The following WNT7B variants were observed in gnomAD, a reference collection of about 807,000 sequenced individuals.
WNT7B encodes the protein Wnt family member 7B, also known as protein Wnt-7b.
In WNT7B, 19 loss-of-function variants were observed where a neutral mutation model predicts 38.2. The observed-to-expected ratio is 0.50, with a 90% CI of 0.35 to 0.73. The LOEUF (loss-of-function observed/expected upper bound fraction) is 0.73. Among genes scored for constraint, WNT7B ranks in the 30% least tolerant of loss-of-function variants. The pLI, the probability that WNT7B is intolerant of heterozygous loss-of-function variation, is 0.01. For synonymous variants in WNT7B, 243 were observed against 209.3 expected (o/e 1.16, Z -1.39); for missense variants, 423 against 507.9 (o/e 0.83, Z 1.61).
Position 45,976,962 on chromosome 22 carries a change from G to C in WNT7B, c.-208C>G. 2.0e-6 allele frequency: 2 copies of C among 987,994 alleles called. No homozygotes were observed. The highest frequency in any genetic ancestry group is 9.2e-5 in the South Asian group (2 of 21,784). The allele number at this position is 987,994 out of a possible 1,614,324, so 61.2% of individuals were successfully genotyped here. On this transcript the variant is annotated 5_prime_UTR_variant, in exon 1 of 4. Transcript: ENST00000339464. This position sits in a 1 kb window ranked among gnomAD's most constrained non-coding sequence, Gnocchi z 8.5. ...CCGCCGCCACCGCCGCGTGAGCCCG[G>C]GGAATTGACCCAGGCTGGGGGCCGC... is the stretch of plus-strand genomic sequence containing the variant.
intron 3 of WNT7B, among the ~76,000 whole-genome samples, chr22:45,924,539 G>A (rs917780039): frequency 9.9e-5 from 15 of 152,230 alleles, no homozygotes; most frequent in African/African-American, 2.7e-4. Context: ...TGGATGAGTC[G>A]GAGCTCGTTA....
rs28463206 is a variant in WNT7B, at chr22:45,956,548, T to C, written c.72-6402A>G. On this transcript the variant is annotated intron_variant, in intron 1 of 3. Coordinates refer to ENST00000339464, the MANE Select transcript of WNT7B (RefSeq NM_058238.3). Reference sequence around the variant, plus strand: ...GATGGGTCCACGCCCACATCAGCCCTTCCCTGCAACCCAGCAATCTCTCTC... The same window carrying C: ...GATGGGTCCACGCCCACATCAGCCCCTCCCTGCAACCCAGCAATCTCTCTC... Among the ~76,000 whole-genome samples the C allele has an allele frequency of 6.1e-3, 932 of 152,274 alleles. 16 individuals are homozygous for C. The highest frequency in any genetic ancestry group is 0.022 in the African/African-American group (902 of 41,550).
chr22:45,936,169 T>G (rs539316142), intron 2 of WNT7B: 602 of 985,436 alleles, frequency 6.1e-4, no homozygotes, highest in Non-Finnish European at 6.8e-4. Context: ...CTGTTTCCAG[T>G]GCAGGCTATC....
rs28372435 is a variant in WNT7B, at chr22:45,927,261, C to T, written c.570+3837G>A. Reference sequence around the variant, plus strand: ...CTCAGGGGCTGCTCTGACAGTTTTCCGCACAGGCACCCTGCGGCAGCCCAT... The same window carrying T: ...CTCAGGGGCTGCTCTGACAGTTTTCTGCACAGGCACCCTGCGGCAGCCCAT... On this transcript the variant is annotated intron_variant, in intron 3 of 3. Coordinates refer to ENST00000339464, the MANE Select transcript of WNT7B (RefSeq NM_058238.3). The T allele has an allele frequency of 1.2e-3, 1,169 of 985,428 alleles. 20 individuals carry two copies. The African/African-American group carries it at 0.017, about 15-fold the overall frequency. 61.0% of individuals were successfully genotyped at this position (985,428 alleles called of 1,614,324 possible).
intron 3 of WNT7B, chr22:45,927,576 T>C: frequency 8.8e-7 from 1 of 1,133,252 alleles, no homozygotes; most frequent in African/African-American, 1.5e-5. Flanking sequence ...AAGTAGGCCC[T>C]AAATCCAATG....
chr22:45,949,000 T>G (rs1392600435), intron 2 of WNT7B, among the ~76,000 whole-genome samples: 2 of 151,900 alleles, frequency 1.3e-5, no homozygotes, highest in East Asian at 3.9e-4. Flanking sequence ...CTGGCTAATT[T>G]TTGTATTTTT....
intron 2 of WNT7B, among the ~76,000 whole-genome samples, chr22:45,932,974 T>C (rs28604905): frequency 0.36 from 54,963 of 152,068 alleles, 10,024 homozygotes; most frequent in Admixed American, 0.41. Context: ...TATGAACAAC[T>C]ACTGAGCACC....
rs934257039 is a variant in WNT7B at position 45,938,057 on chromosome 22, C to T, written c.299-6688G>A. Among the ~76,000 whole-genome samples the T allele has an allele frequency of 1.3e-5, 2 of 151,900 alleles. 1 individual carries two copies. Among genetic ancestry groups the T allele is most frequent in the South Asian group, 4.1e-4 (2 of 4,820 alleles). ...AACTCAATAATAAAATGGTTAACAA[C>T]TCAATTAGAAAGGACAAAGACTAAC... On this transcript the variant is annotated intron_variant, in intron 2 of 3. Transcript: ENST00000339464.
At chr22:45,963,457 T>C (rs1945077147) in intron 1 of WNT7B, among the ~76,000 whole-genome samples, 1 of 152,138 alleles carries the variant, frequency 6.6e-6, no homozygotes, top group African/African-American at 2.4e-5. Flanking sequence ...CCAGGGGCCT[T>C]GACTGAAGTG....
intron 3 of WNT7B, chr22:45,925,895 G>A (rs996418888): frequency 5.0e-5 from 49 of 985,374 alleles, no homozygotes; most frequent in Middle Eastern, 1.0e-3. Context: ...CGTGGTCTAG[G>A]CCCAAGCTGC....
At chr22:45,972,116 G>GGGGGGGGGGGGGCCCCCCCCC in intron 1 of WNT7B, 1 of 530,744 alleles carries the variant, frequency 1.9e-6, no homozygotes, top group Non-Finnish European at 3.3e-6. Flanking sequence ...CCCGGGGGGA[G>GGGGGGGGGGGGGCCCCCCCCC]CCCACCCGCC....
chr22:45,942,854 G>GCT (rs901257716), intron 2 of WNT7B, among the ~76,000 whole-genome samples: 4 of 132,926 alleles, frequency 3.0e-5, no homozygotes, highest in Non-Finnish European at 7.1e-5. Context: ...CTGAGTGGGT[G>GCT]CTGTGTGTGT....
In WNT7B at chr22:45,931,807, C is replaced by G. The variant is rs576159590; in HGVS notation, c.299-438G>C. Among the ~76,000 whole-genome samples, 4 of 152,154 alleles carry G rather than the reference C, an allele frequency of 2.6e-5. No individual in the cohort carries two copies. In the East Asian group the frequency reaches 7.7e-4, roughly 29 times the overall value. Reference sequence around the variant, plus strand: ...TCTGCCAGCCTCCCAGGAGCCCCTCCTCATGAACGGGCATTTGCACTGACC... The same window carrying G: ...TCTGCCAGCCTCCCAGGAGCCCCTCGTCATGAACGGGCATTTGCACTGACC... On this transcript the variant is annotated intron_variant, in intron 2 of 3. Coordinates refer to ENST00000339464, the MANE Select transcript of WNT7B (RefSeq NM_058238.3).
At chr22:45,945,848 C>A (rs1305705698) in intron 2 of WNT7B, among the ~76,000 whole-genome samples, 1 of 152,228 alleles carries the variant, frequency 6.6e-6, no homozygotes, top group Non-Finnish European at 1.5e-5. Context: ...AGCTCGCCCC[C>A]AAAGCAAACA....
chr22:45,926,194 A>G (rs562817413), intron 3 of WNT7B: 454 of 985,392 alleles, frequency 4.6e-4, no homozygotes, highest in Non-Finnish European at 5.2e-4. Context: ...GGGTTCAAGA[A>G]TGTGCCGTTT....
rs1419733111 is a variant in WNT7B, at chr22:45,976,352, G to T, written c.71+332C>A. On this transcript the variant is annotated intron_variant, in intron 1 of 3. Coordinates refer to ENST00000339464, the MANE Select transcript of WNT7B (RefSeq NM_058238.3). This position sits in a 1 kb window ranked among gnomAD's most constrained non-coding sequence, Gnocchi z 8.5. ...GCTCGGCGCCCAGCGCAGCCCGGGG[G>T]AGGGAAGGCGCGTCCCACCCCCGGG... 6.6e-6 allele frequency among the ~76,000 whole-genome samples: 1 copy of T among 150,822 alleles called. No homozygotes were observed. The highest frequency in any genetic ancestry group is 1.5e-5 in the Non-Finnish European group (1 of 67,570).
intron 2 of WNT7B, among the ~76,000 whole-genome samples, chr22:45,938,270 T>C (rs1931559896): frequency 6.6e-6 from 1 of 152,024 alleles, no homozygotes; most frequent in South Asian, 2.1e-4. Flanking sequence ...GTTGAAGTTA[T>C]TGAGGTAGAG....
chr22:45,974,348 G>T (rs1011033300), intron 1 of WNT7B, among the ~76,000 whole-genome samples: 1 of 152,228 alleles, frequency 6.6e-6, no homozygotes, highest in African/African-American at 2.4e-5. Context: ...GGGCTTCCAG[G>T]TCATTTAACC....
chr22:45,923,848 G>A (rs946570174), intron 3 of WNT7B, among the ~76,000 whole-genome samples: 2 of 152,180 alleles, frequency 1.3e-5, no homozygotes, highest in African/African-American at 2.4e-5. Flanking sequence ...CTGGTGTGCC[G>A]GTGGCCCTCG....
Sources: gnomAD v4.1 joint callset for allele counts (sites outside exome capture counted in the v4.1 genomes callset) on GRCh38, gnomAD v4.1.1 for gene constraint, Gnocchi (gnomAD v3.1) non-coding constraint, MANE v1.5 for transcripts, NCBI Gene and HGNC (gene_info 2026-07-23, HGNC 2026-07-21) for gene names.